FBN2: variants seen among roughly 807,000 people sequenced by gnomAD.
The protein encoded by FBN2 is fibrillin 2.
A neutral mutation model predicts 355.6 loss-of-function variants in FBN2; 105 were observed. The observed-to-expected ratio is 0.30, with a 90% CI of 0.25 to 0.35. The LOEUF is 0.35. Among genes scored for constraint, FBN2 ranks in the 10% least tolerant of loss-of-function variants. The pLI, the probability that FBN2 is intolerant of heterozygous loss-of-function variation, is 1.00. For missense variants in FBN2, 3,280 were observed against 3,758.7 expected, an observed-to-expected ratio of 0.87 and a Z score of 3.33; for synonymous variants, 1,350 against 1,301.2, an observed-to-expected ratio of 1.04 and a Z score of -0.81.
In FBN2 at chr5:128,309,968, G is replaced by A. The variant is rs1749988266; in HGVS notation, c.5200+15C>T. The A allele has an allele frequency of 6.2e-7, 1 of 1,613,318 alleles. No homozygotes were observed. The highest frequency in any genetic ancestry group is 8.5e-7 in the Non-Finnish European group (1 of 1,179,400). ...AACAACTGTGCTCTAATTAATCTCA[G>A]AGTTCTTTACCTACCCATGCAGTTG... is the stretch of plus-strand genomic sequence containing the variant. On this transcript the variant is annotated intron_variant, in intron 40 of 64. Coordinates refer to ENST00000262464, the MANE Select transcript of FBN2 (RefSeq NM_001999.4).
intron 63 of FBN2, 99 bp downstream of exon 63, chr5:128,263,326 G>A: frequency 1.1e-6 from 1 of 898,272 alleles, no homozygotes. Context: ...TTTGCGGTTT[G>A]GCTTTTAGAC....
chr5:128,312,014 G>C, intron 37 of FBN2, 61 bp from the exon 38 acceptor site: 4 of 1,182,672 alleles, frequency 3.4e-6, no homozygotes, highest in Non-Finnish European at 5.0e-6. Flanking sequence ...GAGACAATGA[G>C]CAAGCATTCA....
At chr5:128,480,231 T>C (rs1415340831) in intron 5 of FBN2, among the ~76,000 whole-genome samples, 1 of 149,120 alleles carries the variant, frequency 6.7e-6, no homozygotes, top group South Asian at 2.1e-4. Context: ...CTCCACATGG[T>C]ATTAAAACTT....
At chr5:128,262,792 A>G (rs1393860610) in intron 63 of FBN2, among the ~76,000 whole-genome samples, 1 of 152,172 alleles carries the variant, frequency 6.6e-6, no homozygotes, top group Non-Finnish European at 1.5e-5. Context: ...CTAAATGCCC[A>G]TCTTCTGTGT....
chr5:128,267,978 A>C (rs1362698699), intron 62 of FBN2, among the ~76,000 whole-genome samples: 1 of 152,200 alleles, frequency 6.6e-6, no homozygotes, highest in Non-Finnish European at 1.5e-5. Context: ...AGAGCTAGAG[A>C]AGCAAGAGCA....
chr5:128,283,954 C>T (rs1749062704), intron 55 of FBN2, among the ~76,000 whole-genome samples: 1 of 152,110 alleles, frequency 6.6e-6, no homozygotes, highest in African/African-American at 2.4e-5. Flanking sequence ...TTGATTATTT[C>T]CAATACATTT....
At chr5:128,460,401 A>G (rs1297414414) in intron 6 of FBN2, among the ~76,000 whole-genome samples, 1 of 152,244 alleles carries the variant, frequency 6.6e-6, no homozygotes, top group Non-Finnish European at 1.5e-5. Flanking sequence ...GCATAGGAAG[A>G]ATCAATATCA....
chr5:128,408,805 C>A lies in FBN2; in HGVS notation c.953-6G>T. 6.2e-7 allele frequency: 1 copy of A among 1,613,790 alleles called. No individual in the cohort carries two copies. The highest frequency in any genetic ancestry group is 1.3e-5 in the African/African-American group (1 of 75,006). On this transcript the variant is annotated splice_polypyrimidine_tract_variant and splice_region_variant and intron_variant, in intron 7 of 64. Coordinates refer to ENST00000262464, the MANE Select transcript of FBN2 (RefSeq NM_001999.4). ...GATGCTGCACTCATCAATGTCTAAT[C>A]AAGGGAAGAAGGAGAAGATGATTGA...
At chr5:128,309,422 A>T (rs749961075) in intron 40 of FBN2, 23 bp from the exon 41 acceptor site, 2 of 1,610,454 alleles carry the variant, frequency 1.2e-6, no homozygotes, top group South Asian at 2.2e-5. Context: ...AAACAAAGAA[A>T]CTAGCCATTT....
At chr5:128,415,083 T>G (rs916398334) in intron 7 of FBN2, among the ~76,000 whole-genome samples, 6 of 152,172 alleles carry the variant, frequency 3.9e-5, no homozygotes, top group Admixed American at 2.0e-4. Flanking sequence ...TTCATTAAAA[T>G]ATAACATTTA....
At chr5:128,484,401 G>C (rs1755278671) in intron 5 of FBN2, among the ~76,000 whole-genome samples, 1 of 152,138 alleles carries the variant, frequency 6.6e-6, no homozygotes, top group African/African-American at 2.4e-5. Context: ...CTGAATCATA[G>C]AAAGAAATAT....
In FBN2 at chr5:128,305,089, C is replaced by T. The variant is rs755145775; in HGVS notation, c.5675-7G>A. ...TCTAAACATTCATTGCGATCTAAAA[C>T]AGAAAAAAATAAATGTTACATGTAT... On this transcript the variant is annotated splice_region_variant and splice_polypyrimidine_tract_variant and intron_variant, in intron 44 of 64. Transcript: ENST00000262464. The T allele has an allele frequency of 1.2e-5, 19 of 1,571,354 alleles. No individual in the cohort carries two copies. In the South Asian group the frequency reaches 2.1e-4, roughly 18 times the overall value.
At chr5:128,511,204 T>C (rs1215962531) in intron 5 of FBN2, among the ~76,000 whole-genome samples, 4 of 152,212 alleles carry the variant, frequency 2.6e-5, no homozygotes, top group Admixed American at 6.5e-5. Context: ...TCTAAGAGAT[T>C]CCACCCTTCA....
In FBN2 at chr5:128,274,802, G is replaced by A. The variant is rs1765348341; in HGVS notation, c.7595-119C>T. ...GAAGCATTTTGTCTAGATTTTTGCTGGAAGCTTCGTAGATTTCCATAGGCA... is the reference window on the plus strand; with the variant it reads ...GAAGCATTTTGTCTAGATTTTTGCTAGAAGCTTCGTAGATTTCCATAGGCA... On this transcript the variant is annotated intron_variant, in intron 59 of 64. Transcript: ENST00000262464. 3.5e-5 allele frequency: 26 copies of A among 745,762 alleles called. No individual in the cohort carries two copies. The East Asian group carries it at 6.7e-4, about 19-fold the overall frequency. The allele number at this position is 745,762 out of a possible 1,614,324, so 46.2% of individuals were successfully genotyped here. A position where few individuals can be genotyped will look rare whatever the true frequency, so the allele number is the denominator to read the frequency against.
chr5:128,525,725 C>A (rs2112795623), intron 4 of FBN2, among the ~76,000 whole-genome samples: 1 of 152,264 alleles, frequency 6.6e-6, no homozygotes, highest in Non-Finnish European at 1.5e-5. Context: ...AATCTGCAAA[C>A]TATGGCCCAA....
rs866102750 is a variant in FBN2 at position 128,434,422 on chromosome 5, A to G, written c.952+12059T>C. 1.2e-3 allele frequency among the ~76,000 whole-genome samples: 153 copies of G among 132,548 alleles called. 3 individuals are homozygous for G. Among genetic ancestry groups the G allele is most frequent in the African/African-American group, 4.9e-3 (147 of 30,308 alleles). 87.0% of individuals were successfully genotyped at this position (132,548 alleles called of 152,430 possible). On this transcript the variant is annotated intron_variant, in intron 7 of 64. Transcript: ENST00000262464. Reference sequence around the variant, plus strand: ...TATATATATATATATATATATATATATATGGGCAGTAAGTGACAGCACTGG... The same window carrying G: ...TATATATATATATATATATATATATGTATGGGCAGTAAGTGACAGCACTGG...
intron 11 of FBN2, among the ~76,000 whole-genome samples, chr5:128,383,737 T>C (rs1355974859): frequency 6.6e-6 from 1 of 151,970 alleles, no homozygotes; most frequent in Non-Finnish European, 1.5e-5. Context: ...TAGAGAAATG[T>C]AAATTAAAAC....
At chr5:128,507,152 T>C (rs1257243116) in intron 5 of FBN2, among the ~76,000 whole-genome samples, 1 of 152,134 alleles carries the variant, frequency 6.6e-6, no homozygotes, top group Non-Finnish European at 1.5e-5. Context: ...ATTGGTATTT[T>C]TGCTTTCTTA....
chr5:128,531,340 G>A (rs761609968), intron 2 of FBN2, among the ~76,000 whole-genome samples: 22 of 152,070 alleles, frequency 1.4e-4, no homozygotes, highest in Admixed American at 2.6e-4. Flanking sequence ...TGTTCTCACT[G>A]ATATGTGGGA....
Sources: gnomAD v4.1 joint callset for allele counts (sites outside exome capture counted in the v4.1 genomes callset) on GRCh38, gnomAD v4.1.1 for gene constraint, MANE v1.5 for transcripts, NCBI Gene and HGNC (gene_info 2026-07-23, HGNC 2026-07-21) for gene names.